Variants in RELN observed in about 807,000 individuals in gnomAD.
RELN encodes reelin.
In RELN, 108 loss-of-function variants were observed where a neutral mutation model predicts 427.6. The observed-to-expected ratio is 0.25, with a 90% CI of 0.22 to 0.30. The LOEUF (loss-of-function observed/expected upper bound fraction) is 0.30, where lower values mean the gene tolerates loss of function less well. Ranked by LOEUF, RELN falls within the 10% of genes least tolerant of loss-of-function variation. The pLI is 1.00. For missense variants in RELN, 3,715 were observed against 4,302.8 expected, an observed-to-expected ratio of 0.86 and a Z score of 3.82; for synonymous variants, 1,524 against 1,513.4, an observed-to-expected ratio of 1.01 and a Z score of -0.16.
chr7:103,669,963 A>G (rs1187152763), intron 11 of RELN, among the ~76,000 whole-genome samples: 2 of 152,146 alleles, frequency 1.3e-5, no homozygotes, highest in African/African-American at 4.8e-5. Flanking sequence ...TAATCAATAA[A>G]ATGCCTTAAG....
chr7:103,859,627 T>C (rs565979202), intron 2 of RELN, among the ~76,000 whole-genome samples: 1 of 152,278 alleles, frequency 6.6e-6, no homozygotes, highest in African/African-American at 2.4e-5. Flanking sequence ...AAGATTTGAT[T>C]AAAGATAATA....
At chr7:103,732,800 A>C (rs968480217) in intron 6 of RELN, among the ~76,000 whole-genome samples, 2 of 152,126 alleles carry the variant, frequency 1.3e-5, no homozygotes, top group Non-Finnish European at 2.9e-5. Context: ...GAGTGCAGTG[A>C]GGTATTTAAC....
At chr7:103,502,923 C>CAAAT in intron 52 of RELN, 93 bp downstream of exon 52, 1 of 1,078,996 alleles carries the variant, frequency 9.3e-7, no homozygotes, top group Non-Finnish European at 1.4e-6. Context: ...ACTTTACCCA[C>CAAAT]AAATACACAT....
At chr7:103,557,831 C>T in intron 37 of RELN, 134 bp downstream of exon 37, 2 of 614,382 alleles carry the variant, frequency 3.3e-6, no homozygotes, top group Non-Finnish European at 5.9e-6. Flanking sequence ...CATTTGCAAA[C>T]ATTTATGTAT....
chr7:103,589,732 C>T lies in RELN; in HGVS notation c.4009G>A (p.Gly1337Ser). 1 of 1,613,902 alleles carries T rather than the reference C, an allele frequency of 6.2e-7. No individual in the cohort carries two copies. Among genetic ancestry groups the T allele is most frequent in the Non-Finnish European group, 8.5e-7 (1 of 1,179,784 alleles). Residue 1337 changes from glycine (G) to serine (S), a missense_variant, in exon 28 of 65, where the codon GGC becomes AGC. Gly to Ser is a moderately conservative substitution (Grantham distance 56, BLOSUM62 0). Coordinates refer to ENST00000428762, the MANE Select transcript of RELN (RefSeq NM_005045.4). Reference sequence around the variant, plus strand: ...TTGCCTGCAGAAGCCGGGTAACAGCCTTCTTTCACCAGAAACCAGGACATA... The same window carrying T: ...TTGCCTGCAGAAGCCGGGTAACAGCTTTCTTTCACCAGAAACCAGGACATA... ...AGMSWFLVKE[G>S]CYPASAGKGC...
chr7:103,924,151 G>A (rs1344938647), intron 1 of RELN, among the ~76,000 whole-genome samples: 1 of 152,050 alleles, frequency 6.6e-6, no homozygotes, highest in Non-Finnish European at 1.5e-5. Flanking sequence ...ATCTTTTCCT[G>A]GAAGGCAGTG....
chr7:103,808,525 G>C (rs1025483197), intron 3 of RELN, among the ~76,000 whole-genome samples: 4 of 151,390 alleles, frequency 2.6e-5, no homozygotes, highest in African/African-American at 9.7e-5. Context: ...TCTGTATTAT[G>C]AAAGAGATCA....
intron 1 of RELN, among the ~76,000 whole-genome samples, chr7:103,963,094 T>A (rs577664010): frequency 1.3e-5 from 2 of 150,626 alleles, no homozygotes; most frequent in Admixed American, 6.6e-5. Context: ...GAAACCAGGC[T>A]GCCTTAGACA....
chr7:103,723,232 A>G (rs1240459957), intron 7 of RELN, 41 bp from the exon 8 acceptor site: 1 of 1,139,034 alleles, frequency 8.8e-7, no homozygotes, highest in Non-Finnish European at 1.3e-6. Context: ...CAAGACAGAG[A>G]GGAGAAAGAG....
In RELN at chr7:103,603,938, T is replaced by G. The variant is rs577195010; in HGVS notation, c.3146+408A>C. Among the ~76,000 whole-genome samples the G allele has an allele frequency of 1.8e-4, 27 of 152,318 alleles. No homozygotes were observed. In the South Asian group the frequency reaches 5.6e-3, roughly 32 times the overall value. ...TAGAGTCTTTAGGTATTCAAGTGTG[T>G]TCCTCTGTCCTCATTAGCAATAATC... is the stretch of plus-strand genomic sequence containing the variant. On this transcript the variant is annotated intron_variant, in intron 23 of 64. Transcript: ENST00000428762. The surrounding 1 kb of genome is among the most constrained non-coding windows in gnomAD (Gnocchi z 4.3).
At chr7:103,537,177 C>G (rs1830071845) in intron 45 of RELN, among the ~76,000 whole-genome samples, 1 of 152,140 alleles carries the variant, frequency 6.6e-6, no homozygotes, top group African/African-American at 2.4e-5. Flanking sequence ...ACTTTTCTGT[C>G]TCCTTTACCC....
intron 32 of RELN, 65 bp downstream of exon 32, chr7:103,566,536 C>G (rs777256623): frequency 5.0e-6 from 8 of 1,599,446 alleles, no homozygotes; most frequent in Non-Finnish European, 6.9e-6. Context: ...ACACACAGTG[C>G]AAGGTGGGTA....
At chr7:103,787,693 T>C (rs1303359652) in intron 3 of RELN, among the ~76,000 whole-genome samples, 4 of 152,130 alleles carry the variant, frequency 2.6e-5, no homozygotes, top group South Asian at 2.1e-4. Flanking sequence ...CAGTAAATAA[T>C]AGCCTACCAA....
At chr7:103,590,575 AATAAAT>A (rs1831388710) in intron 27 of RELN, among the ~76,000 whole-genome samples, 2 of 149,712 alleles carry the variant, frequency 1.3e-5, no homozygotes, top group Admixed American at 6.6e-5. Context: ...TAAATAAATA[AATAAAT>A]AAATAAATAA....
At chr7:103,883,952 C>CA (rs1794666735) in intron 2 of RELN, among the ~76,000 whole-genome samples, 1 of 151,890 alleles carries the variant, frequency 6.6e-6, no homozygotes, top group Admixed American at 6.6e-5. Context: ...CAGATGGAAC[C>CA]AAAAAAAGTC....
Position 103,561,584 on chromosome 7 carries a change from C to T in RELN, c.5477G>A (p.Gly1826Glu). ...LWPEVYGAERGNLNGETIKSG... is the reference protein window; with the variant it reads ...LWPEVYGAERENLNGETIKSG... ...TTTGATGGTTTCACCATTCAGATTC[C>T]CCCTCTCTGCACCATACACTTCAGG... Residue 1826 changes from glycine to glutamate, a missense_variant, in exon 36 of 65, where the codon GGG (glycine) becomes GAG (glutamate). By Grantham distance (98) the Gly-to-Glu change is moderately conservative (BLOSUM62 -2). This residue lies in a region of RELN where 2,208 missense variants were observed against 2,361.7 expected (regional missense o/e 0.93). Transcript: ENST00000428762. 6.2e-7 allele frequency: 1 copy of T among 1,613,740 alleles called. No individual in the cohort carries two copies.
At chr7:103,555,956 C>T (rs1466970572) in intron 38 of RELN, among the ~76,000 whole-genome samples, 10 of 152,208 alleles carry the variant, frequency 6.6e-5, no homozygotes, top group Admixed American at 6.5e-5. Flanking sequence ...GAATCTGCTG[C>T]TTAATGTGGC....
chr7:103,485,037 C>T (rs1449044028), intron 61 of RELN, among the ~76,000 whole-genome samples: 2 of 151,988 alleles, frequency 1.3e-5, no homozygotes, highest in Non-Finnish European at 2.9e-5. Context: ...CATAAGATTC[C>T]TCATGATTAA....
At chr7:103,600,393 TGACTGGCCGCCAG>T (rs1386296935) in intron 24 of RELN, among the ~76,000 whole-genome samples, 1 of 152,186 alleles carries the variant, frequency 6.6e-6, no homozygotes, top group East Asian at 1.9e-4. Context: ...CAGGACACTG[TGACTGGCCGCCAG>T]GAGTCTTCCC....
Sources: allele counts gnomAD v4.1 joint callset (sites outside exome capture counted in the v4.1 genomes callset), GRCh38; gene constraint gnomAD v4.1.1; regional missense constraint gnomAD v4.1.1; non-coding constraint Gnocchi (gnomAD v3.1); transcripts MANE v1.5; gene names NCBI Gene and HGNC (gene_info 2026-07-23, HGNC 2026-07-21).